Variants in CCDC102B observed in about 807,000 individuals in gnomAD.
CCDC102B encodes the protein coiled-coil domain-containing protein 102B.
Under a neutral mutation model 57.4 loss-of-function variants are expected in CCDC102B, and 75 were observed. That is an observed-to-expected ratio of 1.31 (90% CI 1.08 to 1.58). The LOEUF (loss-of-function observed/expected upper bound fraction) is 1.58. CCDC102B is among the 40% of genes most tolerant of loss of function. The pLI is 0.00. For missense variants in CCDC102B, 636 were observed against 582.6 expected (o/e 1.09, Z -0.94); for synonymous variants, 206 against 201.9 (o/e 1.02, Z -0.17).
intron 2 of CCDC102B, among the ~76,000 whole-genome samples, chr18:68,760,531 C>T (rs2034219426): frequency 1.3e-5 from 2 of 152,072 alleles, no homozygotes; most frequent in African/African-American, 4.8e-5. Flanking sequence ...TTCATTTAGC[C>T]AGTCCTTCCA....
rs976559912 is a variant in CCDC102B, at chr18:68,967,050, T to A, written c.1264-43884T>A. ...GAAATATTTTCAACATACATCCCAA[T>A]CTTCCCTGTTAACACCTCCTAGAGT... On this transcript the variant is annotated intron_variant, in intron 6 of 7. Transcript: ENST00000360242. 2.6e-5 allele frequency among the ~76,000 whole-genome samples: 4 copies of A among 152,174 alleles called. No homozygotes were observed. In the East Asian group the frequency reaches 7.7e-4, roughly 29 times the overall value.
chr18:68,779,370 C>A (rs1240749638), intron 2 of CCDC102B, among the ~76,000 whole-genome samples: 1 of 152,022 alleles, frequency 6.6e-6, no homozygotes, highest in Non-Finnish European at 1.5e-5. Context: ...GCCACATAGT[C>A]TAAGGATTGC....
At chr18:68,849,270 A>C (rs1414872186) in intron 4 of CCDC102B, among the ~76,000 whole-genome samples, 1 of 152,138 alleles carries the variant, frequency 6.6e-6, no homozygotes, top group African/African-American at 2.4e-5. Context: ...ACATCAAGGC[A>C]AGGTCCTTGA....
Position 68,997,995 on chromosome 18 carries a change from G to A in CCDC102B, c.1264-12939G>A, listed in dbSNP as rs1283023230. On this transcript the variant is annotated intron_variant, in intron 6 of 7. Coordinates refer to ENST00000360242, the MANE Select transcript of CCDC102B (RefSeq NM_024781.3). ...TGTGAGCTAGCTTTTCCGTCAGATT[G>A]ATTTTTCTGTGGGCTTATGTATTCT... is the stretch of plus-strand genomic sequence containing the variant. Among the ~76,000 whole-genome samples the A allele has an allele frequency of 3.3e-5, 5 of 151,986 alleles. 1 individual carries two copies. The highest frequency in any genetic ancestry group is 5.9e-5 in the Non-Finnish European group (4 of 68,016).
At chr18:68,889,994 A>G (rs1223863022) in intron 5 of CCDC102B, among the ~76,000 whole-genome samples, 1 of 152,138 alleles carries the variant, frequency 6.6e-6, no homozygotes, top group East Asian at 1.9e-4. Flanking sequence ...CATTTCTTCA[A>G]ACAGCCCTGG....
chr18:69,006,863 A>G (rs931309783), intron 6 of CCDC102B, among the ~76,000 whole-genome samples: 2 of 152,212 alleles, frequency 1.3e-5, no homozygotes, highest in Non-Finnish European at 2.9e-5. Context: ...CCTCCTGATA[A>G]CAAGGTGAAC....
intron 4 of CCDC102B, among the ~76,000 whole-genome samples, chr18:68,854,163 C>T (rs933383476): frequency 6.6e-6 from 1 of 151,448 alleles, no homozygotes; most frequent in Non-Finnish European, 1.5e-5. Context: ...TCCAGTGGCG[C>T]GATCTCCGCT....
At chr18:68,716,960 C>T (rs1325833759) in intron 2 of CCDC102B, among the ~76,000 whole-genome samples, 2 of 152,046 alleles carry the variant, frequency 1.3e-5, no homozygotes, top group East Asian at 1.9e-4. Flanking sequence ...CACCTGTGGT[C>T]CCAGCTACTT....
intron 6 of CCDC102B, among the ~76,000 whole-genome samples, chr18:68,911,626 C>T (rs1204573617): frequency 2.0e-5 from 3 of 149,480 alleles, no homozygotes; most frequent in Non-Finnish European, 4.4e-5. Flanking sequence ...GTGGCGGGCG[C>T]CTGTAGTCCC....
At chr18:68,893,861 G>C (rs149515660) in intron 5 of CCDC102B, among the ~76,000 whole-genome samples, 1 of 152,028 alleles carries the variant, frequency 6.6e-6, no homozygotes, top group African/African-American at 2.4e-5. Context: ...GAACCAGTCC[G>C]TGTTTGTCCA....
At chr18:68,922,373 T>C (rs1459182444) in intron 6 of CCDC102B, among the ~76,000 whole-genome samples, 2 of 152,172 alleles carry the variant, frequency 1.3e-5, no homozygotes, top group East Asian at 3.9e-4. Context: ...ATTGTTGAAC[T>C]TGTTTTGGAT....
chr18:68,853,702 A>AAAAAAAAAAAAAAAAC (rs2038248352), intron 4 of CCDC102B, among the ~76,000 whole-genome samples: 1 of 145,046 alleles, frequency 6.9e-6, no homozygotes, highest in African/African-American at 2.7e-5. Context: ...AAAAAAAAAA[A>AAAAAAAAAAAAAAAAC]TCTGACTCAA....
rs2052794868 is a variant in CCDC102B at position 69,055,137 on chromosome 18, A to T, written c.*1000A>T. The stretch of plus-strand genomic sequence containing the variant: ...TCCCCCTCCATTGATTAGCCAAAAA[A>T]AAATGAAATCTTACTAATTCATTAT... On this transcript the variant is annotated 3_prime_UTR_variant, in exon 8 of 8. Coordinates refer to ENST00000360242, the MANE Select transcript of CCDC102B (RefSeq NM_024781.3). 5 of 982,426 alleles carry T rather than the reference A, an allele frequency of 5.1e-6. No homozygotes were observed. Among genetic ancestry groups the T allele is most frequent in the South Asian group, 4.7e-5 (1 of 21,234 alleles). 60.9% of individuals were successfully genotyped at this position (982,426 alleles called of 1,614,324 possible).
At chr18:68,775,942 A>G (rs1054210692) in intron 2 of CCDC102B, among the ~76,000 whole-genome samples, 1 of 152,126 alleles carries the variant, frequency 6.6e-6, no homozygotes, top group African/African-American at 2.4e-5. Flanking sequence ...GTGAGCCACA[A>G]AGCCCGGCCC....
At chr18:68,882,111 G>A (rs1485816045) in intron 5 of CCDC102B, among the ~76,000 whole-genome samples, 1 of 152,084 alleles carries the variant, frequency 6.6e-6, no homozygotes, top group African/African-American at 2.4e-5. Flanking sequence ...TATCCTTAAA[G>A]AGCCAATGAT....
intron 7 of CCDC102B, among the ~76,000 whole-genome samples, chr18:69,016,300 C>G (rs1218699445): frequency 6.6e-6 from 1 of 152,086 alleles, no homozygotes; most frequent in African/African-American, 2.4e-5. Context: ...ATAAGCAAAA[C>G]TTTTAGAAAA....
Position 68,846,389 on chromosome 18 carries a change from C to T in CCDC102B, c.904C>T (p.Leu302=). The stretch of plus-strand genomic sequence containing the variant: ...TCTGTGGAAGTGGAAGTATGAAGAA[C>T]TGAAAGAATCAAAGCCAAAAAATGT... The part of the protein sequence containing the change: ...LSLWKWKYEE[L]KESKPKNVKE... Residue 302 remains leucine, a synonymous_variant, in exon 4 of 8, where the codon CTG becomes TTG. Transcript: ENST00000360242. 6.3e-7 allele frequency: 1 copy of T among 1,585,646 alleles called. No homozygotes were observed. The highest frequency in any genetic ancestry group is 8.6e-7 in the Non-Finnish European group (1 of 1,168,404).
upstream of CCDC102B, among the ~76,000 whole-genome samples, chr18:68,796,594 T>C (rs1254736253): frequency 1.3e-5 from 2 of 152,116 alleles, no homozygotes; most frequent in Non-Finnish European, 2.9e-5. Flanking sequence ...ATACCATTTA[T>C]ATGTAGATTT....
chr18:68,875,314 T>A (rs1289998023), intron 5 of CCDC102B, among the ~76,000 whole-genome samples: 1 of 152,082 alleles, frequency 6.6e-6, no homozygotes, highest in Non-Finnish European at 1.5e-5. Flanking sequence ...AAACACTGAG[T>A]GTTTTTTACT....
Sources: gnomAD v4.1 joint callset for allele counts (sites outside exome capture counted in the v4.1 genomes callset) on GRCh38, gnomAD v4.1.1 for gene constraint, MANE v1.5 for transcripts, NCBI Gene and HGNC (gene_info 2026-07-23, HGNC 2026-07-21) for gene names.